The following DENND11 variants were observed in gnomAD, a reference collection of about 807,000 sequenced individuals.
The protein encoded by DENND11 is DENN domain containing 11, also known as DENN domain-containing protein 11.
In DENND11, 34 loss-of-function variants were observed where a neutral mutation model predicts 49.2. That is an observed-to-expected ratio of 0.69 (90% CI 0.53 to 0.92). The LOEUF is 0.92. Ranked by LOEUF, DENND11 falls within the 40% of genes least tolerant of loss-of-function variation. DENND11 has a pLI of 0.00. For synonymous variants in DENND11, 238 were observed against 230.3 expected (o/e 1.03, Z -0.30); for missense variants, 475 against 581.6 (o/e 0.82, Z 1.88).
intron 1 of DENND11, among the ~76,000 whole-genome samples, chr7:141,696,605 G>A (rs765610889): frequency 1.3e-5 from 2 of 152,272 alleles, no homozygotes; most frequent in Non-Finnish European, 2.9e-5. Context: ...GCACGTGCCT[G>A]AGGTTTTACT....
Position 141,677,487 on chromosome 7 carries a change from A to ATG in DENND11, c.528-3269_528-3268dup, listed in dbSNP as rs777782993. 2.1e-3 allele frequency among the ~76,000 whole-genome samples: 291 copies of ATG among 137,734 alleles called. 1 individual carries two copies. Among genetic ancestry groups the ATG allele is most frequent in the Admixed American group, 3.2e-3 (43 of 13,372 alleles). 90.4% of individuals were successfully genotyped at this position (137,734 alleles called of 152,430 possible). Reference sequence around the variant, plus strand: ...TGTATATATATTTATATATATTTATATGTGTGTGTGTGTGTGTATATATAT... The same window carrying ATG: ...TGTATATATATTTATATATATTTATATGTGTGTGTGTGTGTGTGTATATATAT... On this transcript the variant is annotated intron_variant, in intron 3 of 8. Transcript: ENST00000536163.
intron 1 of DENND11, among the ~76,000 whole-genome samples, chr7:141,695,412 A>G (rs1798397257): frequency 8.5e-6 from 1 of 117,970 alleles, no homozygotes; most frequent in South Asian, 3.2e-4. Flanking sequence ...TAATTGAGGC[A>G]ATGCACCACA....
intron 1 of DENND11, among the ~76,000 whole-genome samples, chr7:141,693,974 TAAAC>T (rs1323350775): frequency 4.6e-5 from 7 of 152,120 alleles, no homozygotes; most frequent in African/African-American, 1.4e-4. Context: ...TGGATTTAAA[TAAAC>T]AATAATGTAT....
chr7:141,664,897 C>A lies in DENND11; in HGVS notation c.1103+7G>T. Reference sequence around the variant, plus strand: ...GAGCCCCTGGTTCTCCCCTTAGCTGCCACTACCTCTGCTCGTTGAGCCGGC... The same window carrying A: ...GAGCCCCTGGTTCTCCCCTTAGCTGACACTACCTCTGCTCGTTGAGCCGGC... On this transcript the variant is annotated splice_region_variant and intron_variant, in intron 7 of 8. Transcript: ENST00000536163. 1 of 1,608,976 alleles carries A rather than the reference C, an allele frequency of 6.2e-7. No homozygotes were observed. The highest frequency in any genetic ancestry group is 8.5e-7 in the Non-Finnish European group (1 of 1,177,528).
rs1296102995 is a variant in DENND11, at chr7:141,658,159, C to T, written c.*4497G>A. On this transcript the variant is annotated 3_prime_UTR_variant, in exon 9 of 9. Transcript: ENST00000536163. The stretch of plus-strand genomic sequence containing the variant: ...GAATAATAGTTTTAAAATTTCCTTC[C>T]ATTTCAGTATATGCATACTCAGTTC... 6.6e-6 allele frequency: 1 copy of T among 152,136 alleles called. No individual in the cohort carries two copies. The highest frequency in any genetic ancestry group is 1.5e-5 in the Non-Finnish European group (1 of 68,038). The allele number at this position is 152,136 out of a possible 1,614,324, so 9.4% of individuals were successfully genotyped here. A position where few individuals can be genotyped will look rare whatever the true frequency, so the allele number is the denominator to read the frequency against.
rs1797721132 is a variant in DENND11 at position 141,657,793 on chromosome 7, C to A, written c.*4863G>T. 6.6e-6 allele frequency: 1 copy of A among 152,594 alleles called. No homozygotes were observed. The highest frequency in any genetic ancestry group is 1.5e-5 in the Non-Finnish European group (1 of 68,038). The allele number at this position is 152,594 out of a possible 1,614,324, so 9.5% of individuals were successfully genotyped here. A position where few individuals can be genotyped will look rare whatever the true frequency, so the allele number is the denominator to read the frequency against. On this transcript the variant is annotated 3_prime_UTR_variant, in exon 9 of 9. Coordinates refer to ENST00000536163, the MANE Select transcript of DENND11 (RefSeq NM_001080392.2). ...TTTCTTTATATAGCACTAGAAAATTCTTATTCCCCTTCTAAATTTGCAATT... is the reference window on the plus strand; with the variant it reads ...TTTCTTTATATAGCACTAGAAAATTATTATTCCCCTTCTAAATTTGCAATT...
intron 1 of DENND11, 131 bp downstream of exon 1, chr7:141,701,755 C>T: frequency 1.3e-6 from 1 of 783,304 alleles, no homozygotes. Context: ...CCCGGGAGCC[C>T]GGGGCCGGCC....
chr7:141,687,698 G>A (rs1356708409), intron 1 of DENND11, among the ~76,000 whole-genome samples: 1 of 146,586 alleles, frequency 6.8e-6, no homozygotes, highest in East Asian at 2.1e-4. Context: ...GCAGTGGCGC[G>A]ATCTCGGCTC....
intron 3 of DENND11, among the ~76,000 whole-genome samples, chr7:141,682,689 G>A (rs1473369928): frequency 6.6e-6 from 1 of 152,116 alleles, no homozygotes; most frequent in Non-Finnish European, 1.5e-5. Flanking sequence ...TACCCAACTT[G>A]ACCACCTGCC....
In DENND11 at chr7:141,702,017, G is replaced by T; in HGVS notation, c.137C>A (p.Pro46Gln). The change falls in exon 1 of 9, where the codon CCG becomes CAG. Residue 46 changes from proline to glutamine, a missense_variant. Physicochemically the swap from Pro to Gln is moderately conservative, Grantham distance 76. Transcript: ENST00000536163. ...CTCCTCGGGCTCCCGCCTCCGGGGCGGCTCCGCGGCCGGCCGGGCGCCCCC... is the reference window on the plus strand; with the variant it reads ...CTCCTCGGGCTCCCGCCTCCGGGGCTGCTCCGCGGCCGGCCGGGCGCCCCC... ...GGGGARPAAE[P>Q]PRRREPEEPA... 1 of 1,087,970 alleles carries T rather than the reference G, an allele frequency of 9.2e-7. No individual in the cohort carries two copies. The highest frequency in any genetic ancestry group is 1.7e-5 in the African/African-American group (1 of 59,344). 67.4% of individuals were successfully genotyped at this position (1,087,970 alleles called of 1,614,324 possible). A position where few individuals can be genotyped will look rare whatever the true frequency, so the allele number is the denominator to read the frequency against.
At chr7:141,677,519 A>ATG (rs1554409403) in intron 3 of DENND11, among the ~76,000 whole-genome samples, 84 of 102,460 alleles carry the variant, frequency 8.2e-4, no homozygotes, top group Non-Finnish European at 6.1e-4. Context: ...ATATATATAT[A>ATG]TGTATATATA....
At chr7:141,678,868 T>C (rs1377193798) in intron 3 of DENND11, among the ~76,000 whole-genome samples, 1 of 152,236 alleles carries the variant, frequency 6.6e-6, no homozygotes, top group African/African-American at 2.4e-5. Context: ...TTATGAGTCG[T>C]AGGTCCCTTT....
At chr7:141,688,989 ATACT>A (rs778329573) in intron 1 of DENND11, among the ~76,000 whole-genome samples, 1 of 152,164 alleles carries the variant, frequency 6.6e-6, no homozygotes, top group Admixed American at 6.5e-5. Flanking sequence ...GCTTCTTCTA[ATACT>A]TACTGCCTTG....
chr7:141,665,293 G>A lies in DENND11; in HGVS notation c.846C>T (p.Asn282=), dbSNP rs377712778. ...TGCCCCCGATGCCAGGCAGTGAAAC[G>A]TTGGCCAAGCAGCAGCAGCAGTACA... The part of the protein sequence containing the change: ...YRVYCCCCLA[N]VSLPGIGGTI... Residue 282 remains asparagine (N), a synonymous_variant, in exon 6 of 9, where the codon AAC becomes AAT. Coordinates refer to ENST00000536163, the MANE Select transcript of DENND11 (RefSeq NM_001080392.2). 2.5e-6 allele frequency: 4 copies of A among 1,613,890 alleles called. No individual in the cohort carries two copies. The highest frequency in any genetic ancestry group is 1.1e-5 in the South Asian group (1 of 91,028).
rs142830292 is a variant in DENND11 at position 141,688,447 on chromosome 7, A to G, written c.269-1789T>C. On this transcript the variant is annotated intron_variant, in intron 1 of 8. Coordinates refer to ENST00000536163, the MANE Select transcript of DENND11 (RefSeq NM_001080392.2). Reference sequence around the variant, plus strand: ...TCAACAGCCCAAGTCACTTTCAAATAGTTTATTTTCAAAAGAGGAATTATG... The same window carrying G: ...TCAACAGCCCAAGTCACTTTCAAATGGTTTATTTTCAAAAGAGGAATTATG... Among the ~76,000 whole-genome samples the G allele has an allele frequency of 1.5e-4, 23 of 152,352 alleles. 1 individual carries two copies. The East Asian group carries it at 3.3e-3, about 22-fold the overall frequency.
chr7:141,680,448 A>G (rs1295761842), intron 3 of DENND11, among the ~76,000 whole-genome samples: 1 of 151,960 alleles, frequency 6.6e-6, no homozygotes, highest in African/African-American at 2.4e-5. Context: ...CTGGGTGAAG[A>G]TTTTTCACTT....
intron 1 of DENND11, among the ~76,000 whole-genome samples, chr7:141,698,606 CTCTT>C (rs1418075670): frequency 1.3e-5 from 2 of 152,154 alleles, no homozygotes; most frequent in Non-Finnish European, 1.5e-5. Flanking sequence ...AGCTTTAAGA[CTCTT>C]TCTCTGATTC....
chr7:141,688,329 C>T (rs1260595847), intron 1 of DENND11, among the ~76,000 whole-genome samples: 2 of 152,184 alleles, frequency 1.3e-5, no homozygotes, highest in Non-Finnish European at 2.9e-5. Context: ...CCCAGCCAAA[C>T]AACGCTTTCA....
At chr7:141,668,024 G>C (rs368378597) in intron 4 of DENND11, among the ~76,000 whole-genome samples, 3 of 152,330 alleles carry the variant, frequency 2.0e-5, no homozygotes, top group Non-Finnish European at 4.4e-5. Flanking sequence ...AGATAGGAAA[G>C]GGTGCCAAAG....
Sources: gnomAD v4.1 joint callset for allele counts (sites outside exome capture counted in the v4.1 genomes callset) on GRCh38, gnomAD v4.1.1 for gene constraint, MANE v1.5 for transcripts, NCBI Gene and HGNC (gene_info 2026-07-23, HGNC 2026-07-21) for gene names.